Variants in TCF25 observed in about 807,000 individuals in gnomAD.
TCF25 encodes the protein TCF25 ribosome quality control complex subunit, also known as ribosome quality control complex subunit TCF25.
In TCF25, 41 loss-of-function variants were observed where a neutral mutation model predicts 83.1. That is an observed-to-expected ratio of 0.49 (90% CI 0.38 to 0.64). The LOEUF is 0.64. Ranked by LOEUF, TCF25 falls within the 30% of genes least tolerant of loss-of-function variation. TCF25 has a pLI of 0.00. For missense variants in TCF25, 979 were observed against 914.5 expected, an observed-to-expected ratio of 1.07 and a Z score of -0.91; for synonymous variants, 458 against 365.0, an observed-to-expected ratio of 1.25 and a Z score of -2.90.
At chr16:89,898,720 G>C (rs779289314) in intron 10 of TCF25, 47 bp from the exon 11 acceptor site, 2 of 1,612,398 alleles carry the variant, frequency 1.2e-6, no homozygotes, top group South Asian at 1.1e-5. Flanking sequence ...TCAGCCTGAC[G>C]ATGCCCCTGT....
intron 4 of TCF25, among the ~76,000 whole-genome samples, chr16:89,887,093 G>T (rs2043073787): frequency 6.6e-6 from 1 of 151,928 alleles, no homozygotes; most frequent in African/African-American, 2.4e-5. Context: ...GAGTTCAGTG[G>T]TGTGATCATA....
chr16:89,894,043 G>A, intron 7 of TCF25, 185 bp downstream of exon 7: 1 of 819,718 alleles, frequency 1.2e-6, no homozygotes, highest in Non-Finnish European at 1.9e-6. Context: ...GAGGCTCTAG[G>A]CCAAGCGAGC....
chr16:89,906,446 C>T, intron 15 of TCF25, 162 bp downstream of exon 15: 3 of 636,934 alleles, frequency 4.7e-6, no homozygotes, highest in South Asian at 1.9e-5. Context: ...CTCCTCCTTT[C>T]CTGGCAGCCC....
intron 7 of TCF25, 73 bp from the exon 8 acceptor site, chr16:89,894,965 G>A (rs946916499): frequency 7.1e-7 from 1 of 1,418,382 alleles, no homozygotes; most frequent in South Asian, 1.2e-5. Context: ...TTAAATGTCT[G>A]AAAAAAAGGC....
intron 15 of TCF25, among the ~76,000 whole-genome samples, chr16:89,907,024 C>A (rs1371384951): frequency 6.6e-6 from 1 of 152,084 alleles, no homozygotes; most frequent in African/African-American, 2.4e-5. Context: ...CGTGCAGGTT[C>A]ATCTCGACTC....
At chr16:89,881,273 C>T (rs1053727152) in intron 1 of TCF25, among the ~76,000 whole-genome samples, 1 of 152,162 alleles carries the variant, frequency 6.6e-6, no homozygotes, top group East Asian at 1.9e-4. Flanking sequence ...GTTTCAGAAA[C>T]TATCTCAGGG....
intron 12 of TCF25, among the ~76,000 whole-genome samples, chr16:89,901,293 C>G (rs944943045): frequency 2.0e-5 from 3 of 152,240 alleles, no homozygotes; most frequent in African/African-American, 7.2e-5. Context: ...AGGCTGCCAC[C>G]TGGTCAGACC....
At position 89,887,610 on chromosome 16, in the gene TCF25, A is replaced by G. The variant is rs766014085; in HGVS notation, c.549-42A>G. ...CTGAAGCTTTTGGAATCGTCTTAGA[A>G]CATAATTTCATGTTTTTTTTCTACA... On this transcript the variant is annotated intron_variant, in intron 4 of 17. Transcript: ENST00000263346. The G allele has an allele frequency of 8.4e-6, 13 of 1,549,066 alleles. No homozygotes were observed. The South Asian group carries it at 8.6e-5, about 10-fold the overall frequency.
chr16:89,883,715 A>G (rs1275065320), intron 2 of TCF25: 2 of 599,502 alleles, frequency 3.3e-6, no homozygotes, highest in Non-Finnish European at 5.8e-6. Flanking sequence ...TTTCTCCTGC[A>G]TCTCAGGAGA....
chr16:89,909,697 C>T (rs952186762), intron 16 of TCF25: 2 of 143,554 alleles, frequency 1.4e-5, no homozygotes, highest in African/African-American at 2.6e-5. Context: ...AAAAAAAAAT[C>T]CTCCAGTAAG....
At chr16:89,906,681 AAGAT>A (rs1297083680) in intron 15 of TCF25, among the ~76,000 whole-genome samples, 1 of 152,124 alleles carries the variant, frequency 6.6e-6, no homozygotes, top group Non-Finnish European at 1.5e-5. Context: ...GTTAAGGGAT[AAGAT>A]AGAACGAGTG....
intron 3 of TCF25, 91 bp from the exon 4 acceptor site, chr16:89,885,757 A>G (rs2042956052): frequency 9.6e-7 from 1 of 1,036,966 alleles, no homozygotes; most frequent in African/African-American, 1.6e-5. Context: ...ACAGTGTAAT[A>G]GGTCTCTTTT....
chr16:89,910,076 G>A (rs542525521), intron 16 of TCF25: 58 of 155,420 alleles, frequency 3.7e-4, no homozygotes, highest in African/African-American at 1.2e-3. Context: ...TTGAGGAATC[G>A]CGGTTCTTTG....
At chr16:89,878,270 A>G (rs1217188960) in intron 1 of TCF25, among the ~76,000 whole-genome samples, 1 of 147,452 alleles carries the variant, frequency 6.8e-6, no homozygotes, top group East Asian at 2.1e-4. Context: ...ACAAAGTGAG[A>G]CCCTGTCTCA....
chr16:89,884,440 G>A (rs1041976766), intron 2 of TCF25, 142 bp from the exon 3 acceptor site: 3 of 745,568 alleles, frequency 4.0e-6, no homozygotes, highest in East Asian at 5.6e-5. Flanking sequence ...GGAGAGAAGA[G>A]AGTGAGTTGA....
chr16:89,890,131 A>C (rs938319317), intron 5 of TCF25: 1 of 151,496 alleles, frequency 6.6e-6, no homozygotes, highest in African/African-American at 2.4e-5. Context: ...CGGCCTCCCA[A>C]AGTGCTGGGA....
intron 6 of TCF25, 107 bp downstream of exon 6, chr16:89,892,382 G>A: frequency 2.3e-6 from 3 of 1,303,922 alleles, no homozygotes; most frequent in Non-Finnish European, 3.2e-6. Context: ...TGCTGGGGGT[G>A]GAGGGCGGCG....
At chr16:89,906,324 G>A (rs757290816) in intron 15 of TCF25, 40 bp downstream of exon 15, 38 of 1,593,552 alleles carry the variant, frequency 2.4e-5, no homozygotes, top group Middle Eastern at 1.7e-4. Flanking sequence ...TGTGTAAGCC[G>A]GTCACATGCA....
rs146582569 is a variant in TCF25 at position 89,899,356 on chromosome 16, G to A, written c.1221+484G>A. Among the ~76,000 whole-genome samples the A allele has an allele frequency of 2.1e-3, 313 of 152,316 alleles. 1 individual carries two copies. The highest frequency in any genetic ancestry group is 7.3e-3 in the African/African-American group (305 of 41,576). On this transcript the variant is annotated intron_variant, in intron 11 of 17. Coordinates refer to ENST00000263346, the MANE Select transcript of TCF25 (RefSeq NM_014972.3). ...TCCCCAGTAACTCTAACACAGACAC[G>A]TGTTGGAATGATAATTTCGGTGTAT...
Sources: gnomAD v4.1 joint callset for allele counts (sites outside exome capture counted in the v4.1 genomes callset) on GRCh38, gnomAD v4.1.1 for gene constraint, MANE v1.5 for transcripts, NCBI Gene and HGNC (gene_info 2026-07-23, HGNC 2026-07-21) for gene names.